The following SH3BP2 variants were observed in gnomAD, a reference collection of about 807,000 sequenced individuals.
The protein encoded by SH3BP2 is SH3 domain-binding protein 2.
SH3BP2 carries 38 observed loss-of-function variants against 56.2 expected under a neutral mutation model. That is an observed-to-expected ratio of 0.68 (90% CI 0.52 to 0.89). The LOEUF (loss-of-function observed/expected upper bound fraction) is 0.89, where lower values mean the gene tolerates loss of function less well. SH3BP2 is among the 40% of genes least tolerant of loss of function. SH3BP2 has a pLI of 0.00. For synonymous variants in SH3BP2, 346 were observed against 316.7 expected (o/e 1.09, Z -0.98); for missense variants, 748 against 762.6 (o/e 0.98, Z 0.23).
Position 2,838,337 on chromosome 4 carries a change from T to C in SH3BP2, c.*4503T>C, listed in dbSNP as rs562592934. 1.3e-5 allele frequency: 2 copies of C among 152,382 alleles called. No homozygotes were observed. The highest frequency in any genetic ancestry group is 4.1e-4 in the South Asian group (2 of 4,832). The allele number at this position is 152,382 out of a possible 1,614,324, so 9.4% of individuals were successfully genotyped here. The stretch of plus-strand genomic sequence containing the variant: ...CTAAAAAGTCTTCAGCACCCAATTA[T>C]GCAGGCATTGCAGTATTTTCCTGTT... On this transcript the variant is annotated 3_prime_UTR_variant, in exon 13 of 13. Coordinates refer to ENST00000503393, the MANE Select transcript of SH3BP2 (RefSeq NM_001122681.2).
intron 1 of SH3BP2, among the ~76,000 whole-genome samples, chr4:2,802,476 GTA>G (rs1165364489): frequency 2.0e-5 from 3 of 147,234 alleles, no homozygotes; most frequent in Admixed American, 6.8e-5. Context: ...ATGTGTATGT[GTA>G]TATATATGTG....
intron 1 of SH3BP2, chr4:2,818,213 G>A (rs1185138288): frequency 2.0e-6 from 2 of 987,804 alleles, no homozygotes; most frequent in Non-Finnish European, 2.4e-6. Context: ...GCCAGGCCAG[G>A]GCCGGCGGGC....
chr4:2,825,277 C>A lies in SH3BP2; in HGVS notation c.428+81C>A, dbSNP rs1724543581. ...TGACCCGGGTGTCCGCCTCCCAGCC[C>A]CGGGCTTGGCATAGAATTCCGTCCT... On this transcript the variant is annotated intron_variant, in intron 5 of 12. Coordinates refer to ENST00000503393, the MANE Select transcript of SH3BP2 (RefSeq NM_001122681.2). The A allele has an allele frequency of 5.1e-6, 6 of 1,173,556 alleles. No homozygotes were observed. In the South Asian group the frequency reaches 6.6e-5, roughly 13 times the overall value. 72.7% of individuals were successfully genotyped at this position (1,173,556 alleles called of 1,614,324 possible).
rs1725146574 is a variant in SH3BP2, at chr4:2,834,023, G to A, written c.*189G>A. 1 of 666,196 alleles carries A rather than the reference G, an allele frequency of 1.5e-6. No individual in the cohort carries two copies. The highest frequency in any genetic ancestry group is 2.9e-5 in the Admixed American group (1 of 33,952). The allele number at this position is 666,196 out of a possible 1,614,324, so 41.3% of individuals were successfully genotyped here. A position where few individuals can be genotyped will look rare whatever the true frequency, so the allele number is the denominator to read the frequency against. Reference sequence around the variant, plus strand: ...AGGTTGGGTTCTAGGGCTGAACCAGGCGCCAGGCTCCAGAGGACGAAGGGA... The same window carrying A: ...AGGTTGGGTTCTAGGGCTGAACCAGACGCCAGGCTCCAGAGGACGAAGGGA... On this transcript the variant is annotated 3_prime_UTR_variant, in exon 13 of 13. Coordinates refer to ENST00000503393, the MANE Select transcript of SH3BP2 (RefSeq NM_001122681.2).
intron 1 of SH3BP2, among the ~76,000 whole-genome samples, chr4:2,803,950 T>C (rs567523681): frequency 1.2e-3 from 180 of 152,194 alleles, no homozygotes; most frequent in African/African-American, 4.2e-3. Flanking sequence ...GGTGTGGCGT[T>C]TGCCTGTAGG....
chr4:2,794,565 G>A lies in SH3BP2; in HGVS notation c.-5+1427G>A, dbSNP rs189930654. On this transcript the variant is annotated intron_variant, in intron 1 of 12. Coordinates refer to ENST00000503393, the MANE Select transcript of SH3BP2 (RefSeq NM_001122681.2). Reference sequence around the variant, plus strand: ...CCCTTTGCCTGGCTCTGTGCCCTGCGTTAGGCACACCCTGGAGGGGGCAGG... The same window carrying A: ...CCCTTTGCCTGGCTCTGTGCCCTGCATTAGGCACACCCTGGAGGGGGCAGG... Among the ~76,000 whole-genome samples, 71 of 152,310 alleles carry A rather than the reference G, an allele frequency of 4.7e-4. No individual in the cohort carries two copies. In the East Asian group the frequency reaches 0.012, roughly 26 times the overall value.
At chr4:2,830,249 C>T in intron 8 of SH3BP2, 102 bp downstream of exon 8, 2 of 1,159,752 alleles carry the variant, frequency 1.7e-6, no homozygotes, top group Admixed American at 2.6e-5. Context: ...GCACTCTTAG[C>T]CCACGACGGG....
At chr4:2,818,077 A>G in intron 1 of SH3BP2, 1 of 320,752 alleles carries the variant, frequency 3.1e-6, no homozygotes, top group Non-Finnish European at 4.5e-6. Flanking sequence ...GGGGAAACTG[A>G]GGCCCGCAGG....
At position 2,833,695 on chromosome 4, in the gene SH3BP2, A is replaced by G; in HGVS notation, c.1549-2A>G. On this transcript the variant is annotated splice_acceptor_variant, in intron 12 of 12. Coordinates refer to ENST00000503393, the MANE Select transcript of SH3BP2 (RefSeq NM_001122681.2). LOFTEE classifies it high-confidence loss of function. Reference sequence around the variant, plus strand: ...GACGCTCCCCCTTCTCTTCCCCCACAGGACTCTAAGTTCTACCTGGAGGGC... The same window carrying G: ...GACGCTCCCCCTTCTCTTCCCCCACGGGACTCTAAGTTCTACCTGGAGGGC... The G allele has an allele frequency of 6.2e-7, 1 of 1,609,794 alleles. No homozygotes were observed. The highest frequency in any genetic ancestry group is 8.5e-7 in the Non-Finnish European group (1 of 1,178,168).
intron 3 of SH3BP2, 128 bp from the exon 4 acceptor site, chr4:2,824,485 C>A: frequency 1.1e-5 from 7 of 646,654 alleles, no homozygotes; most frequent in Non-Finnish European, 1.1e-5. Context: ...GCAGCCAGGG[C>A]CCACCCGATC....
In SH3BP2 at chr4:2,837,107, G is replaced by C. The variant is rs1237125233; in HGVS notation, c.*3273G>C. 1 of 152,050 alleles carries C rather than the reference G, an allele frequency of 6.6e-6. No homozygotes were observed. Among genetic ancestry groups the C allele is most frequent in the Non-Finnish European group, 1.5e-5 (1 of 68,016 alleles). The allele number at this position is 152,050 out of a possible 1,614,324, so 9.4% of individuals were successfully genotyped here. A position where few individuals can be genotyped will look rare whatever the true frequency, so the allele number is the denominator to read the frequency against. On this transcript the variant is annotated 3_prime_UTR_variant, in exon 13 of 13. Transcript: ENST00000503393. ...GTCGCCCAGGCTAGAGTGGATTGGC[G>C]TGATCTCGGCTCAATGCAAATCTCC... is the stretch of plus-strand genomic sequence containing the variant.
At chr4:2,809,823 C>T (rs1251819453) in intron 1 of SH3BP2, 1 of 985,502 alleles carries the variant, frequency 1.0e-6, no homozygotes, top group African/African-American at 1.7e-5. Context: ...GGCTCCCACT[C>T]ATCCTGGTAA....
chr4:2,809,770 C>G, intron 1 of SH3BP2: 3 of 985,648 alleles, frequency 3.0e-6, no homozygotes, highest in Non-Finnish European at 3.6e-6. Flanking sequence ...CCTCCCTCTT[C>G]TTTTTCAGGC....
rs1175501543 is a variant in SH3BP2, at chr4:2,802,404, ATGTGTGTGTG to A, written c.-5+9296_-5+9305del. Among the ~76,000 whole-genome samples the A allele has an allele frequency of 4.9e-3, 668 of 135,972 alleles. 7 individuals are homozygous for A. Among genetic ancestry groups the A allele is most frequent in the African/African-American group, 0.017 (585 of 34,946 alleles). 89.2% of individuals were successfully genotyped at this position (135,972 alleles called of 152,430 possible). A position where few individuals can be genotyped will look rare whatever the true frequency, so the allele number is the denominator to read the frequency against. ...GTGAGACTCTGTCTCAAAAAAATAT[ATGTGTGTGTG>A]TGTGTGTGTGTGTGTGTGTGTGTGT... On this transcript the variant is annotated intron_variant, in intron 1 of 12. Coordinates refer to ENST00000503393, the MANE Select transcript of SH3BP2 (RefSeq NM_001122681.2).
At position 2,836,770 on chromosome 4, in the gene SH3BP2, T is replaced by G. The variant is rs1021996678; in HGVS notation, c.*2936T>G. On this transcript the variant is annotated 3_prime_UTR_variant, in exon 13 of 13. Transcript: ENST00000503393. ...GCGTTGCCCTCTGGGTCTGTGAGGG[T>G]GGGCTGGCAGGAGGCCTAGGCCTTG... 2 of 152,232 alleles carry G rather than the reference T, an allele frequency of 1.3e-5. No homozygotes were observed. Among genetic ancestry groups the G allele is most frequent in the Admixed American group, 6.5e-5 (1 of 15,288 alleles). 9.4% of individuals were successfully genotyped at this position (152,232 alleles called of 1,614,324 possible).
At position 2,834,095 on chromosome 4, in the gene SH3BP2, A is replaced by G; in HGVS notation, c.*261A>G. On this transcript the variant is annotated 3_prime_UTR_variant, in exon 13 of 13. Coordinates refer to ENST00000503393, the MANE Select transcript of SH3BP2 (RefSeq NM_001122681.2). ...TGCCCTGTCCCAATCCCAGAAACCC[A>G]GGACCAAGCTGTGCCTGGGCTCCAA... The G allele has an allele frequency of 4.1e-6, 2 of 485,946 alleles. No individual in the cohort carries two copies. The highest frequency in any genetic ancestry group is 3.4e-5 in the Admixed American group (1 of 29,428). The allele number at this position is 485,946 out of a possible 1,614,324, so 30.1% of individuals were successfully genotyped here.
intron 1 of SH3BP2, among the ~76,000 whole-genome samples, chr4:2,803,074 G>A (rs55977536): frequency 0.051 from 7,831 of 152,328 alleles, 379 homozygotes; most frequent in African/African-American, 0.11. Flanking sequence ...AAGGGAGGCC[G>A]CCAAGACCGC....
rs1553809216 is a variant in SH3BP2, at chr4:2,839,563, CT to C, written c.*5738del. 1.3e-5 allele frequency: 2 copies of C among 149,362 alleles called. No individual in the cohort carries two copies. The highest frequency in any genetic ancestry group is 2.5e-5 in the African/African-American group (1 of 40,570). The allele number at this position is 149,362 out of a possible 1,614,324, so 9.3% of individuals were successfully genotyped here. A position where few individuals can be genotyped will look rare whatever the true frequency, so the allele number is the denominator to read the frequency against. On this transcript the variant is annotated 3_prime_UTR_variant, in exon 13 of 13. Coordinates refer to ENST00000503393, the MANE Select transcript of SH3BP2 (RefSeq NM_001122681.2). ...CTCTGGCTTGACTGTTTATGGTGTCCTTTTTTTTTGGGGGGGGTTTTTTGAG... is the reference window on the plus strand; with the variant it reads ...CTCTGGCTTGACTGTTTATGGTGTCCTTTTTTTTGGGGGGGGTTTTTTGAG...
At chr4:2,813,691 T>C (rs1723863561) in intron 1 of SH3BP2, among the ~76,000 whole-genome samples, 1 of 152,140 alleles carries the variant, frequency 6.6e-6, no homozygotes, top group Non-Finnish European at 1.5e-5. Context: ...AATGAGTGCT[T>C]GCATATGCAT....
Sources: gnomAD v4.1 joint callset for allele counts (sites outside exome capture counted in the v4.1 genomes callset) on GRCh38, gnomAD v4.1.1 for gene constraint, MANE v1.5 for transcripts, NCBI Gene and HGNC (gene_info 2026-07-23, HGNC 2026-07-21) for gene names.